The following DCAF17 variants were observed in gnomAD, a reference collection of about 807,000 sequenced individuals.
DCAF17 encodes DDB1- and CUL4-associated factor 17.
A neutral mutation model predicts 66.0 loss-of-function variants in DCAF17; 48 were observed. The observed-to-expected ratio is 0.73, with a 90% CI of 0.58 to 0.92. The LOEUF (loss-of-function observed/expected upper bound fraction) is 0.92, where lower values mean the gene tolerates loss of function less well. Among genes scored for constraint, DCAF17 ranks in the 40% least tolerant of loss-of-function variants. The pLI is 0.00. For synonymous variants in DCAF17, 206 were observed against 214.6 expected (o/e 0.96, Z 0.35); for missense variants, 562 against 622.8 (o/e 0.90, Z 1.04).
At chr2:171,452,992 A>G (rs1296009270) in intron 5 of DCAF17, 132 bp from the exon 6 acceptor site, 1 of 560,740 alleles carries the variant, frequency 1.8e-6, no homozygotes, top group Non-Finnish European at 3.0e-6. Context: ...ATCTAGATAG[A>G]TGGTTGTTTT....
intron 2 of DCAF17, among the ~76,000 whole-genome samples, chr2:171,441,356 A>G (rs1469561185): frequency 6.6e-6 from 1 of 152,168 alleles, no homozygotes; most frequent in Non-Finnish European, 1.5e-5. Flanking sequence ...TTGAGGAAAC[A>G]CTGACCTCAG....
chr2:171,439,932 A>C (rs1694209702), intron 2 of DCAF17, among the ~76,000 whole-genome samples: 1 of 152,068 alleles, frequency 6.6e-6, no homozygotes. Flanking sequence ...TCAAAAAAGA[A>C]AACCCCAAAA....
intron 2 of DCAF17, among the ~76,000 whole-genome samples, chr2:171,438,455 T>G (rs1463604049): frequency 6.6e-6 from 1 of 152,212 alleles, no homozygotes; most frequent in African/African-American, 2.4e-5. Context: ...TATTGAAATC[T>G]CTATAATAGT....
At chr2:171,472,640 A>G (rs186853315) in intron 9 of DCAF17, among the ~76,000 whole-genome samples, 21 of 152,312 alleles carry the variant, frequency 1.4e-4, no homozygotes, top group African/African-American at 4.6e-4. Flanking sequence ...TGGCACAATC[A>G]TAGCTCACAA....
At chr2:171,450,326 C>T (rs985152569) in intron 5 of DCAF17, among the ~76,000 whole-genome samples, 2 of 152,030 alleles carry the variant, frequency 1.3e-5, no homozygotes, top group African/African-American at 4.8e-5. Flanking sequence ...GAGAAATCAC[C>T]ACTAAAGAAC....
chr2:171,473,738 C>A, intron 9 of DCAF17, 128 bp from the exon 10 acceptor site: 1 of 739,078 alleles, frequency 1.4e-6, no homozygotes, highest in Non-Finnish European at 2.4e-6. Context: ...CAAATATATT[C>A]CACTTTAACT....
At chr2:171,465,365 C>G (rs958984716) in intron 8 of DCAF17, among the ~76,000 whole-genome samples, 1 of 152,078 alleles carries the variant, frequency 6.6e-6, no homozygotes, top group Non-Finnish European at 1.5e-5. Flanking sequence ...TAATTAGATT[C>G]ATTTGTTTCA....
chr2:171,448,626 G>T, intron 3 of DCAF17, 55 bp from the exon 4 acceptor site: 2 of 1,462,960 alleles, frequency 1.4e-6, no homozygotes, highest in Non-Finnish European at 1.8e-6. Flanking sequence ...ATTGATTACT[G>T]CAAATTGTTC....
At position 171,480,473 on chromosome 2, in the gene DCAF17, G is replaced by A. The variant is rs1861899; in HGVS notation, c.1422+280G>A. ...CCTAGTCTTTGATTTTCTTTCAATT[G>A]TAAATTTGGAAAAATTTTTTAAAAT... On this transcript the variant is annotated intron_variant, in intron 13 of 13. Transcript: ENST00000375255. 0.22 allele frequency among the ~76,000 whole-genome samples: 33,065 copies of A among 151,998 alleles called. 3,716 individuals are homozygous for A. Among genetic ancestry groups the A allele is most frequent in the South Asian group, 0.29 (1,378 of 4,816 alleles).
rs771202185 is a variant in DCAF17 at position 171,482,816 on chromosome 2, G to A, written c.*1702G>A. 6.6e-6 allele frequency: 3 copies of A among 453,900 alleles called. No individual in the cohort carries two copies. The highest frequency in any genetic ancestry group is 4.7e-5 in the South Asian group (3 of 64,470). 28.1% of individuals were successfully genotyped at this position (453,900 alleles called of 1,614,324 possible). ...GCTGCTTTTTTGCTGGGGGTAGATG[G>A]TGGAATACTTCTGGTCTAGATATAA... On this transcript the variant is annotated 3_prime_UTR_variant, in exon 14 of 14. Transcript: ENST00000375255.
chr2:171,481,684 G>A lies in DCAF17; in HGVS notation c.*570G>A, dbSNP rs3795998. 0.22 allele frequency: 100,025 copies of A among 453,260 alleles called. 11,870 individuals are homozygous for A. The highest frequency in any genetic ancestry group is 0.32 in the Admixed American group (13,672 of 42,446). The allele number at this position is 453,260 out of a possible 1,614,324, so 28.1% of individuals were successfully genotyped here. A position where few individuals can be genotyped will look rare whatever the true frequency, so the allele number is the denominator to read the frequency against. On this transcript the variant is annotated 3_prime_UTR_variant, in exon 14 of 14. Transcript: ENST00000375255. ...TGTTTCGTATTTGTATATAGTATCA[G>A]GAATTGGTTCTAGTTCCCAAATTAT... is the stretch of plus-strand genomic sequence containing the variant.
rs746956061 is a variant in DCAF17 at position 171,458,488 on chromosome 2, T to A, written c.838+11T>A. 1 of 1,591,188 alleles carries A rather than the reference T, an allele frequency of 6.3e-7. No homozygotes were observed. Among genetic ancestry groups the A allele is most frequent in the Non-Finnish European group, 8.6e-7 (1 of 1,159,482 alleles). ...ATATTAAAATCACAGGTATGGCTACTCTATAGTATTTTTTCACCTTAAAAA... is the reference window on the plus strand; with the variant it reads ...ATATTAAAATCACAGGTATGGCTACACTATAGTATTTTTTCACCTTAAAAA... On this transcript the variant is annotated intron_variant, in intron 8 of 13. Transcript: ENST00000375255.
Position 171,483,352 on chromosome 2 carries a change from T to C in DCAF17, c.*2238T>C. On this transcript the variant is annotated 3_prime_UTR_variant, in exon 14 of 14. Transcript: ENST00000375255. ...ATTATGGGTAACAATTCTGAGTGTT[T>C]AATGCAAGCCCAGGTGAAGCAGGGT... The C allele has an allele frequency of 2.2e-6, 1 of 454,140 alleles. No individual in the cohort carries two copies. 28.1% of individuals were successfully genotyped at this position (454,140 alleles called of 1,614,324 possible).
chr2:171,473,866 G>A lies in DCAF17; in HGVS notation c.982G>A (p.Ala328Thr), dbSNP rs747241616. The A allele has an allele frequency of 6.2e-7, 1 of 1,611,884 alleles. No individual in the cohort carries two copies. The highest frequency in any genetic ancestry group is 8.5e-7 in the Non-Finnish European group (1 of 1,178,808). The stretch of plus-strand genomic sequence containing the variant: ...CTTTAATACTTTTTTCCAACTTCAG[G>A]CAAAAAATGGGATCCAAGAAATGGA... ...HICALKDNSL[A>T]KNGIQEMDCC... Residue 328 changes from alanine to threonine, a missense_variant and splice_region_variant, in exon 10 of 14, where the codon GCA (alanine) becomes ACA (threonine). Transcript: ENST00000375255.
At chr2:171,478,818 A>G (rs745350604) in intron 12 of DCAF17, among the ~76,000 whole-genome samples, 16 of 152,168 alleles carry the variant, frequency 1.1e-4, no homozygotes, top group African/African-American at 1.9e-4. Flanking sequence ...AAAAAGTATT[A>G]TTTTGGACCA....
intron 9 of DCAF17, among the ~76,000 whole-genome samples, chr2:171,470,203 T>C (rs1696162490): frequency 2.6e-5 from 4 of 152,092 alleles, no homozygotes; most frequent in South Asian, 2.1e-4. Context: ...TTTTATTTTT[T>C]GTAGAGATGG....
intron 8 of DCAF17, among the ~76,000 whole-genome samples, chr2:171,462,283 A>G (rs1695630210): frequency 6.6e-6 from 1 of 152,172 alleles, no homozygotes; most frequent in African/African-American, 2.4e-5. Context: ...TACAACATAA[A>G]CCAACTCAAA....
chr2:171,471,872 A>G (rs1696260230), intron 9 of DCAF17, among the ~76,000 whole-genome samples: 1 of 151,896 alleles, frequency 6.6e-6, no homozygotes, highest in Non-Finnish European at 1.5e-5. Context: ...AAAATTAGCC[A>G]AGTGTGGTGG....
chr2:171,452,924 C>A (rs2105761068), intron 5 of DCAF17, among the ~76,000 whole-genome samples, 200 bp from the exon 6 acceptor site: 1 of 152,218 alleles, frequency 6.6e-6, no homozygotes, highest in East Asian at 1.9e-4. Context: ...GTCTGAAGGG[C>A]TGAAGCTTTA....
Sources: allele counts gnomAD v4.1 joint callset (sites outside exome capture counted in the v4.1 genomes callset), GRCh38; gene constraint gnomAD v4.1.1; transcripts MANE v1.5; gene names NCBI Gene and HGNC (gene_info 2026-07-23, HGNC 2026-07-21).